Variants in RTN2 observed in about 807,000 individuals in gnomAD.
The protein encoded by RTN2 is reticulon 2.
Under a neutral mutation model 63.7 loss-of-function variants are expected in RTN2, and 36 were observed. The ratio of observed to expected loss-of-function variants is 0.56; its 90% CI spans 0.43 to 0.75. RTN2 has a LOEUF of 0.75. RTN2 is among the 30% of genes least tolerant of loss of function. The probability of loss-of-function intolerance (pLI) is 0.00; values close to 1 mark genes in which losing one functional copy is unlikely to be tolerated. For synonymous variants in RTN2, 312 were observed against 313.0 expected, an observed-to-expected ratio of 1.00 and a Z score of 0.03; for missense variants, 673 against 705.1, an observed-to-expected ratio of 0.95 and a Z score of 0.52.
At position 45,485,300 on chromosome 19, in the gene RTN2, A is replaced by G; in HGVS notation, c.*408T>C. 1 of 178,134 alleles carries G rather than the reference A, an allele frequency of 5.6e-6. No individual in the cohort carries two copies. 11.0% of individuals were successfully genotyped at this position (178,134 alleles called of 1,614,324 possible). On this transcript the variant is annotated 3_prime_UTR_variant, in exon 11 of 11. Transcript: ENST00000245923. ...AAGCACAAGAGGCCTCGGGTTTTCC[A>G]CAGGAGTCTTTATTACAGTGTAAAT...
At position 45,485,741 on chromosome 19, in the gene RTN2, G is replaced by A. The variant is rs2122199510; in HGVS notation, c.1605C>T (p.Ala535=). The A allele has an allele frequency of 6.2e-7, 1 of 1,614,076 alleles. No individual in the cohort carries two copies. Among genetic ancestry groups the A allele is most frequent in the Non-Finnish European group, 8.5e-7 (1 of 1,180,002 alleles). Reference sequence around the variant, plus strand: ...CTTTGGCTTTGGATCCGGAGACTGCGGCTGCTGCAGAGGCCAGGGCTCCGG... The same window carrying A: ...CTTTGGCTTTGGATCCGGAGACTGCAGCTGCTGCAGAGGCCAGGGCTCCGG... ...PGTGALASAA[A]AVSGSKAKAE The change falls in exon 11 of 11, where the codon GCC becomes GCT. Residue 535 remains alanine, a synonymous_variant. Transcript: ENST00000245923.
chr19:45,495,320 G>A (rs1325832716), intron 1 of RTN2, 181 bp from the exon 2 acceptor site: 3 of 678,716 alleles, frequency 4.4e-6, no homozygotes, highest in East Asian at 5.5e-5. Flanking sequence ...CCAAATCCAG[G>A]AATCTTAATC....
In RTN2 at chr19:45,489,402, C is replaced by G. The variant is rs781104615; in HGVS notation, c.1185G>C (p.Arg395Ser). The change falls in exon 6 of 11, where the codon AGG becomes AGC. Residue 395 changes from arginine (R) to serine (S), a missense_variant. Arg to Ser is a moderately radical substitution (Grantham distance 110). Coordinates refer to ENST00000245923, the MANE Select transcript of RTN2 (RefSeq NM_005619.5). ...CGGCCTGCAGCACTTTGCGGTAAAC[C>G]CTGAGAGAGATGGTGCCGCAGAGCA... Reference protein sequence around the residue: ...LLLLCGTISLRVYRKVLQAVH... With the variant: ...LLLLCGTISLSVYRKVLQAVH... The G allele has an allele frequency of 8.1e-6, 13 of 1,601,334 alleles. No homozygotes were observed. The highest frequency in any genetic ancestry group is 1.3e-5 in the African/African-American group (1 of 74,650).
At chr19:45,495,639 G>A (rs1423866854) in intron 1 of RTN2, among the ~76,000 whole-genome samples, 2 of 152,216 alleles carry the variant, frequency 1.3e-5, no homozygotes, top group Non-Finnish European at 2.9e-5. Flanking sequence ...ATAAGATGAC[G>A]TTTGAGCAGA....
In RTN2 at chr19:45,494,891, GAGA is replaced by G; in HGVS notation, c.191_193del (p.Phe64del). 1.9e-6 allele frequency: 3 copies of G among 1,611,364 alleles called. No homozygotes were observed. The highest frequency in any genetic ancestry group is 1.1e-5 in the South Asian group (1 of 91,080). ...CACTACACCATCAAAGGCGATGTAG[GAGA>G]AGGTCAGCTCCCGGGGGGTGCCCCA... On this transcript the variant is annotated inframe_deletion, in exon 3 of 11. Transcript: ENST00000245923. This position sits in a 1 kb window ranked among gnomAD's most constrained non-coding sequence, Gnocchi z 5.3.
intron 5 of RTN2, among the ~76,000 whole-genome samples, 153 bp from the exon 6 acceptor site, chr19:45,489,706 G>T (rs1412181975): frequency 1.7e-4 from 24 of 143,794 alleles, no homozygotes; most frequent in Non-Finnish European, 4.5e-5. Flanking sequence ...GAGAGACAGG[G>T]TCTCACTCTG....
In RTN2 at chr19:45,488,576, G is replaced by A. The variant is rs1968078715; in HGVS notation, c.1451-59C>T. On this transcript the variant is annotated intron_variant, in intron 8 of 10. Coordinates refer to ENST00000245923, the MANE Select transcript of RTN2 (RefSeq NM_005619.5). ...CCCAAGAGATGAACAGTTCCATCTGGAGCCCTGTCCCCCACCAGACTCCAA... is the reference window on the plus strand; with the variant it reads ...CCCAAGAGATGAACAGTTCCATCTGAAGCCCTGTCCCCCACCAGACTCCAA... The A allele has an allele frequency of 6.8e-6, 11 of 1,613,260 alleles. No individual in the cohort carries two copies. In the South Asian group the frequency reaches 9.9e-5, roughly 14 times the overall value.
chr19:45,493,434 G>C, intron 4 of RTN2, 56 bp from the exon 5 acceptor site: 1 of 1,254,622 alleles, frequency 8.0e-7, no homozygotes, highest in Non-Finnish European at 1.2e-6. Context: ...CTGGCCAATA[G>C]ATGTGGTCAG....
At chr19:45,489,298 G>T (rs1220836580) in intron 6 of RTN2, 48 bp downstream of exon 6, 1 of 1,518,180 alleles carries the variant, frequency 6.6e-7, no homozygotes, top group Non-Finnish European at 8.9e-7. Context: ...CGTGGGTCAT[G>T]CTTTAGGGTC....
At position 45,488,863 on chromosome 19, in the gene RTN2, G is replaced by C; in HGVS notation, c.1365C>G (p.Leu455=). ...TCCAGGCCACCTTGAGGGAATCCAC[G>C]AGGTCTTCTACCAGGAAGAAGTGCC... ...QLRHFFLVED[L]VDSLKLALLF... Residue 455 remains leucine (L), a synonymous_variant, in exon 7 of 11, where the codon CTC becomes CTG. Transcript: ENST00000245923. The C allele has an allele frequency of 1.9e-6, 3 of 1,602,784 alleles. No individual in the cohort carries two copies. The highest frequency in any genetic ancestry group is 2.6e-6 in the Non-Finnish European group (3 of 1,175,584).
Position 45,494,523 on chromosome 19 carries a change from C to T in RTN2, c.559+3G>A. Reference sequence around the variant, plus strand: ...TTTGGTCCCAGCACCTCGGACATCTCACCTTCCCCAGCTTCTCCTGTCTCC... The same window carrying T: ...TTTGGTCCCAGCACCTCGGACATCTTACCTTCCCCAGCTTCTCCTGTCTCC... On this transcript the variant is annotated splice_donor_region_variant and intron_variant, in intron 3 of 10. Coordinates refer to ENST00000245923, the MANE Select transcript of RTN2 (RefSeq NM_005619.5). This position sits in a 1 kb window ranked among gnomAD's most constrained non-coding sequence, Gnocchi z 5.3. 1 of 1,612,352 alleles carries T rather than the reference C, an allele frequency of 6.2e-7. No homozygotes were observed. The highest frequency in any genetic ancestry group is 1.3e-5 in the African/African-American group (1 of 75,000).
At position 45,494,711 on chromosome 19, in the gene RTN2, C is replaced by T. The variant is rs776994539; in HGVS notation, c.374G>A (p.Gly125Asp). 2.2e-5 allele frequency: 35 copies of T among 1,613,026 alleles called. No homozygotes were observed. The East Asian group carries it at 7.4e-4, about 34-fold the overall frequency. The change falls in exon 3 of 11, where the codon GGT becomes GAT. Residue 125 changes from glycine to aspartate, a missense_variant. By Grantham distance (94) the Gly-to-Asp change is moderately conservative (BLOSUM62 -1). Transcript: ENST00000245923. This position sits in a 1 kb window ranked among gnomAD's most constrained non-coding sequence, Gnocchi z 5.3. ...LSQSPEPGRR[G>D]DPDTAPPSER... ...GGATGGAGGCGCGGTGTCAGGATCACCCCGTCGTCCAGGCTCCGGGGATTG... is the reference window on the plus strand; with the variant it reads ...GGATGGAGGCGCGGTGTCAGGATCATCCCGTCGTCCAGGCTCCGGGGATTG...
intron 1 of RTN2, 156 bp from the exon 2 acceptor site, chr19:45,495,295 C>T: frequency 1.2e-6 from 1 of 816,258 alleles, no homozygotes; most frequent in Non-Finnish European, 2.0e-6. Flanking sequence ...TGATGAAGCT[C>T]AGAGTCTTTG....
At chr19:45,485,993 A>G in intron 10 of RTN2, 62 bp downstream of exon 10, 1 of 1,524,904 alleles carries the variant, frequency 6.6e-7, no homozygotes, top group East Asian at 2.3e-5. Flanking sequence ...CGAGAGTAGA[A>G]AGGAAAGGTT....
chr19:45,496,810 G>C lies in RTN2; in HGVS notation c.16C>G (p.Pro6Ala). The part of the protein sequence containing the change: MGQVL[P>A]VFAHCKEAPS... ...TACTCACTGCAGTGGGCGAAGACCG[G>C]CAGGACCTGCCCCATGGCCCCCCTC... is the stretch of plus-strand genomic sequence containing the variant. The change falls in exon 1 of 11, where the codon CCG becomes GCG. Residue 6 changes from proline to alanine, a missense_variant. Transcript: ENST00000245923. The C allele has an allele frequency of 6.6e-7, 1 of 1,522,590 alleles. No homozygotes were observed. Among genetic ancestry groups the C allele is most frequent in the Non-Finnish European group, 8.8e-7 (1 of 1,131,524 alleles). 94.3% of individuals were successfully genotyped at this position (1,522,590 alleles called of 1,614,324 possible).
At chr19:45,493,541 G>A (rs1968206780) in intron 4 of RTN2, among the ~76,000 whole-genome samples, 163 bp from the exon 5 acceptor site, 1 of 151,986 alleles carries the variant, frequency 6.6e-6, no homozygotes, top group South Asian at 2.1e-4. Flanking sequence ...GGATCCTCCC[G>A]CCTCGGCCTC....
chr19:45,494,297 T>G lies in RTN2; in HGVS notation c.683A>C (p.Asn228Thr), dbSNP rs1968223267. The G allele has an allele frequency of 6.2e-7, 1 of 1,613,886 alleles. No homozygotes were observed. Among genetic ancestry groups the G allele is most frequent in the African/African-American group, 1.3e-5 (1 of 74,892 alleles). The change falls in exon 4 of 11, where the codon AAC becomes ACC. Residue 228 changes from asparagine (N) to threonine (T), a missense_variant. Asn to Thr is a moderately conservative substitution (Grantham distance 65). Coordinates refer to ENST00000245923, the MANE Select transcript of RTN2 (RefSeq NM_005619.5). The surrounding 1 kb of genome is among the most constrained non-coding windows in gnomAD (Gnocchi z 5.3). ...CAGCAATGGCTCTTCGGGCCCAGAG[T>G]TCGAATCTCGCGATCGGGATGGGGA... ...TPSPSRSRDS[N>T]SGPEEPLLEE...
intron 4 of RTN2, among the ~76,000 whole-genome samples, 192 bp from the exon 5 acceptor site, chr19:45,493,570 C>T (rs1397380269): frequency 1.3e-5 from 2 of 151,510 alleles, no homozygotes; most frequent in African/African-American, 4.9e-5. Context: ...TTTAGGATTA[C>T]AGGCATGAGC....
chr19:45,494,410 T>G lies in RTN2; in HGVS notation c.570A>C (p.Leu190=). The G allele has an allele frequency of 6.2e-7, 1 of 1,612,570 alleles. No homozygotes were observed. Among genetic ancestry groups the G allele is most frequent in the Non-Finnish European group, 8.5e-7 (1 of 1,178,860 alleles). The change falls in exon 4 of 11, where the codon CTA becomes CTC. Residue 190 remains leucine (L), a synonymous_variant. Transcript: ENST00000245923. This position sits in a 1 kb window ranked among gnomAD's most constrained non-coding sequence, Gnocchi z 5.3. ...ETGEAGEELD[L]RLRLAQPSSP... ...ATGAGGGCTGAGCAAGTCGGAGTCG[T>G]AGGTCCAGTTCTGATACGGTAGAGA...
Sources: allele counts gnomAD v4.1 joint callset (sites outside exome capture counted in the v4.1 genomes callset), GRCh38; gene constraint gnomAD v4.1.1; non-coding constraint Gnocchi (gnomAD v3.1); transcripts MANE v1.5; gene names NCBI Gene and HGNC (gene_info 2026-07-23, HGNC 2026-07-21).